LAMA3: variants seen among roughly 807,000 people sequenced by gnomAD.
The protein encoded by LAMA3 is laminin subunit alpha-3.
A neutral mutation model predicts 402.0 loss-of-function variants in LAMA3; 281 were observed. The ratio of observed to expected loss-of-function variants is 0.70; its 90% confidence interval spans 0.63 to 0.77. The LOEUF is 0.77. LAMA3 is among the 30% of genes least tolerant of loss of function. The pLI is 0.00. For synonymous variants in LAMA3, 1,431 were observed against 1,558.4 expected, an observed-to-expected ratio of 0.92 and a Z score of 1.93; for missense variants, 3,840 against 4,215.5, an observed-to-expected ratio of 0.91 and a Z score of 2.47.
intron 42 of LAMA3, among the ~76,000 whole-genome samples, chr18:23,892,990 T>G (rs1440653976): frequency 6.6e-6 from 1 of 151,564 alleles, no homozygotes; most frequent in Non-Finnish European, 1.5e-5. Context: ...ATATAAATAT[T>G]TATAAAGGGA....
intron 39 of LAMA3, 101 bp downstream of exon 39, chr18:23,876,508 C>T (rs1449211068): frequency 1.2e-5 from 9 of 764,058 alleles, no homozygotes; most frequent in Non-Finnish European, 1.9e-5. Flanking sequence ...TCCCGCCAAA[C>T]CCTAAATAGA....
intron 2 of LAMA3, among the ~76,000 whole-genome samples, chr18:23,740,213 T>C (rs2061539648): frequency 1.3e-5 from 2 of 152,178 alleles, no homozygotes; most frequent in Admixed American, 1.3e-4. Context: ...AAGTTGTTAG[T>C]TGTGGATAAA....
chr18:23,786,515 G>C (rs1165001358), intron 12 of LAMA3, among the ~76,000 whole-genome samples: 2 of 152,216 alleles, frequency 1.3e-5, no homozygotes, highest in African/African-American at 4.8e-5. Flanking sequence ...CTGGCTCATA[G>C]AGTAGGGATC....
Position 23,775,884 on chromosome 18 carries a change from A to G in LAMA3, c.1366A>G (p.Lys456Glu). The G allele has an allele frequency of 6.2e-7, 1 of 1,614,088 alleles. No individual in the cohort carries two copies. Residue 456 changes from lysine (K) to glutamate (E), a missense_variant, in exon 10 of 75, where the codon AAG (lysine) becomes GAG (glutamate). This residue lies in a region of LAMA3 where 2,109 missense variants were observed against 2,376.0 expected (regional missense o/e 0.89). Coordinates refer to ENST00000313654, the MANE Select transcript of LAMA3 (RefSeq NM_198129.4). ...KPNFHGDNCE[K>E]CAIGYYNFPF... is the part of the protein sequence containing the mutation. ...AAATTTCCACGGAGACAACTGTGAG[A>G]AGTGTGCAATTGGATACTACAATTT...
At chr18:23,872,941 C>A in intron 38 of LAMA3, 2 of 1,475,042 alleles carry the variant, frequency 1.4e-6, no homozygotes, top group East Asian at 4.6e-5. Flanking sequence ...CGCAGACAGC[C>A]TTCCTCACCT....
At chr18:23,841,815 G>A (rs1387222132) in intron 27 of LAMA3, among the ~76,000 whole-genome samples, 1 of 152,052 alleles carries the variant, frequency 6.6e-6, no homozygotes, top group East Asian at 1.9e-4. Context: ...GTAGCTACTT[G>A]GGAGGCTGAA....
At chr18:23,875,083 T>C (rs2064662093) in intron 38 of LAMA3, among the ~76,000 whole-genome samples, 1 of 152,160 alleles carries the variant, frequency 6.6e-6, no homozygotes, top group Non-Finnish European at 1.5e-5. Context: ...CAGGCTGATC[T>C]CGAACTCCTG....
Position 23,846,354 on chromosome 18 carries a change from C to T in LAMA3, c.3777C>T (p.Tyr1259=), listed in dbSNP as rs755359214. 23 of 1,614,134 alleles carry T rather than the reference C, an allele frequency of 1.4e-5. No individual in the cohort carries two copies. Among genetic ancestry groups the T allele is most frequent in the Middle Eastern group, 1.6e-4 (1 of 6,084 alleles). Residue 1259 remains tyrosine, a synonymous_variant, in exon 31 of 75, where the codon TAC becomes TAT. Transcript: ENST00000313654. ...CCGCCAGGTCCCTGGTGGCCTTTTA[C>T]CACAAGGGCGCCCTGCCTTGTGAGT... The part of the protein sequence containing the change: ...KNSARSLVAF[Y]HKGALPCECH...
At chr18:23,896,816 C>G (rs901847222) in intron 44 of LAMA3, among the ~76,000 whole-genome samples, 69 of 152,204 alleles carry the variant, frequency 4.5e-4, no homozygotes, top group African/African-American at 1.5e-3. Flanking sequence ...CAAAGTAAGA[C>G]CTGGTCCTAG....
chr18:23,872,393 G>C (rs1309679851), intron 38 of LAMA3, among the ~76,000 whole-genome samples: 1 of 152,138 alleles, frequency 6.6e-6, no homozygotes, highest in East Asian at 1.9e-4. Context: ...CTATAAGTAT[G>C]TCTTTTCTTA....
At chr18:23,798,121 TTCTTCC>T (rs1032624056) in intron 12 of LAMA3, among the ~76,000 whole-genome samples, 17 of 152,312 alleles carry the variant, frequency 1.1e-4, no homozygotes, top group South Asian at 8.3e-4. Context: ...CTTCATTTTT[TTCTTCC>T]TCTTCCTCTT....
At chr18:23,849,278 C>T (rs2144650319) in intron 32 of LAMA3, among the ~76,000 whole-genome samples, 1 of 152,298 alleles carries the variant, frequency 6.6e-6, no homozygotes, top group African/African-American at 2.4e-5. Flanking sequence ...ATACTGGAAC[C>T]TTGTAAGGAA....
intron 8 of LAMA3, among the ~76,000 whole-genome samples, chr18:23,766,034 T>C (rs180924360): frequency 7.8e-4 from 118 of 151,416 alleles, no homozygotes; most frequent in Non-Finnish European, 1.6e-3. Flanking sequence ...AGACAATGAA[T>C]CAGAAAAAAA....
intron 42 of LAMA3, 92 bp from the exon 43 acceptor site, chr18:23,894,204 CTT>C (rs779891016): frequency 8.0e-6 from 8 of 1,002,958 alleles, no homozygotes; most frequent in Non-Finnish European, 1.3e-5. Flanking sequence ...ACTAATAAAA[CTT>C]TGCAAAACTA....
At chr18:23,814,711 G>A (rs776748470) in intron 15 of LAMA3, among the ~76,000 whole-genome samples, 3 of 152,120 alleles carry the variant, frequency 2.0e-5, no homozygotes, top group Non-Finnish European at 4.4e-5. Context: ...GTTTCTGTAT[G>A]TATTTTGTTG....
intron 12 of LAMA3, among the ~76,000 whole-genome samples, chr18:23,797,646 CAG>C (rs1395974262): frequency 1.3e-5 from 2 of 151,578 alleles, no homozygotes; most frequent in African/African-American, 4.9e-5. Context: ...TCCCGGGAGG[CAG>C]AGGTTGCAGT....
In LAMA3 at chr18:23,904,644, G is replaced by T. The variant is rs781621027; in HGVS notation, c.6565G>T (p.Ala2189Ser). Residue 2189 changes from alanine (A) to serine (S), a missense_variant, in exon 51 of 75, where the codon GCC (alanine) becomes TCC (serine). Ala to Ser is a moderately conservative substitution (Grantham distance 99, BLOSUM62 1). This residue lies in a region of LAMA3 where 891 missense variants were observed against 857.5 expected (regional missense o/e 1.04). Coordinates refer to ENST00000313654, the MANE Select transcript of LAMA3 (RefSeq NM_198129.4). ...GAACATCCTCAATGCCATCAAAGCG[G>T]CCGAGGACGCAGCCAACAGGGCTGC... ...YENILNAIKA[A>S]EDAANRAASA... is the part of the protein sequence containing the mutation. 7 of 1,613,856 alleles carry T rather than the reference G, an allele frequency of 4.3e-6. No individual in the cohort carries two copies. Among genetic ancestry groups the T allele is most frequent in the Middle Eastern group, 3.3e-4 (2 of 6,038 alleles).
intron 66 of LAMA3, 49 bp downstream of exon 66, chr18:23,932,340 G>T (rs1337052035): frequency 1.2e-6 from 2 of 1,601,942 alleles, no homozygotes; most frequent in African/African-American, 2.7e-5. Context: ...GCCTGCCCAT[G>T]GGAAGGGTAT....
rs549886347 is a variant in LAMA3, at chr18:23,778,562, A to G, written c.1468+943A>G. On this transcript the variant is annotated intron_variant, in intron 11 of 74. Coordinates refer to ENST00000313654, the MANE Select transcript of LAMA3 (RefSeq NM_198129.4). ...TCCAGAGCCATGGGGAGTTTCTTAC[A>G]TAAACCCATCACGGCATCCACAGGG... is the stretch of plus-strand genomic sequence containing the variant. 4.6e-5 allele frequency among the ~76,000 whole-genome samples: 7 copies of G among 152,324 alleles called. No homozygotes were observed. The East Asian group carries it at 1.4e-3, about 29-fold the overall frequency.
Sources: gnomAD v4.1 joint callset for allele counts (sites outside exome capture counted in the v4.1 genomes callset) on GRCh38, gnomAD v4.1.1 for gene constraint, gnomAD v4.1.1 regional missense constraint, MANE v1.5 for transcripts, NCBI Gene and HGNC (gene_info 2026-07-23, HGNC 2026-07-21) for gene names.